Variants in NAA35 observed in about 807,000 individuals in gnomAD.
NAA35 encodes the protein MAK10 homolog, amino-acid N-acetyltransferase subunit.
Under a neutral mutation model 101.7 loss-of-function variants are expected in NAA35, and 18 were observed. The ratio of observed to expected loss-of-function variants is 0.18; its 90% confidence interval spans 0.12 to 0.26. The LOEUF is 0.26. Ranked by LOEUF, NAA35 falls within the 10% of genes least tolerant of loss-of-function variation. NAA35 has a pLI of 1.00. For synonymous variants in NAA35, 267 were observed against 273.1 expected (o/e 0.98, Z 0.22); for missense variants, 601 against 886.8 (o/e 0.68, Z 4.09).
chr9:85,995,334 T>A (rs916128539), intron 11 of NAA35, among the ~76,000 whole-genome samples: 13 of 150,872 alleles, frequency 8.6e-5, no homozygotes, highest in Non-Finnish European at 1.6e-4. Flanking sequence ...AAATAAAAAA[T>A]TATTTTTTAT....
intron 22 of NAA35, among the ~76,000 whole-genome samples, chr9:86,021,569 AG>A (rs751207896): frequency 3.9e-5 from 6 of 152,142 alleles, no homozygotes. Flanking sequence ...TAGTTCTATC[AG>A]TTACCTGGAG....
At position 85,988,728 on chromosome 9, in the gene NAA35, G is replaced by A. The variant is rs567076073; in HGVS notation, c.878-7671G>A. On this transcript the variant is annotated intron_variant, in intron 11 of 22. Coordinates refer to ENST00000361671, the MANE Select transcript of NAA35 (RefSeq NM_024635.4). ...GGAGAATCGCTTGAACCTGGGAGGC[G>A]GAGGTTGCAGTGAGCCGAGATCACG... Among the ~76,000 whole-genome samples, 12 of 151,884 alleles carry A rather than the reference G, an allele frequency of 7.9e-5. No homozygotes were observed. In the South Asian group the frequency reaches 1.2e-3, roughly 16 times the overall value.
intron 17 of NAA35, among the ~76,000 whole-genome samples, chr9:86,014,702 C>T (rs948808795): frequency 2.6e-5 from 4 of 152,132 alleles, no homozygotes; most frequent in Non-Finnish European, 5.9e-5. Flanking sequence ...TAATTCTCTT[C>T]CATGCTGTTG....
intron 6 of NAA35, among the ~76,000 whole-genome samples, chr9:85,969,021 A>AT (rs1829882742): frequency 2.0e-5 from 3 of 151,994 alleles, no homozygotes; most frequent in Non-Finnish European, 2.9e-5. Context: ...AGTTGTATAT[A>AT]TTTTTTTGAA....
intron 20 of NAA35, 147 bp downstream of exon 20, chr9:86,018,542 A>G (rs1489149576): frequency 1.5e-6 from 2 of 1,320,072 alleles, no homozygotes; most frequent in Non-Finnish European, 1.0e-6. Context: ...TGAGAATTAT[A>G]TATTACCTAG....
intron 6 of NAA35, among the ~76,000 whole-genome samples, chr9:85,971,151 C>T (rs1829982196): frequency 6.6e-6 from 1 of 152,256 alleles, no homozygotes; most frequent in Non-Finnish European, 1.5e-5. Flanking sequence ...TCCCATTTCC[C>T]AGCTACTTGC....
At chr9:86,021,871 CATTA>C (rs753989797) in intron 22 of NAA35, 26 bp from the exon 23 acceptor site, 13 of 1,535,106 alleles carry the variant, frequency 8.5e-6, no homozygotes, top group South Asian at 2.3e-5. Flanking sequence ...TTTGTAGATA[CATTA>C]ATTGAGTTTC....
chr9:86,008,816 T>C (rs1831764126), intron 14 of NAA35, among the ~76,000 whole-genome samples: 1 of 149,948 alleles, frequency 6.7e-6, no homozygotes, highest in South Asian at 2.1e-4. Flanking sequence ...GATGAGTTTC[T>C]CTTTATTTTA....
chr9:85,987,937 A>G (rs1225169326), intron 11 of NAA35, among the ~76,000 whole-genome samples: 1 of 152,240 alleles, frequency 6.6e-6, no homozygotes, highest in Non-Finnish European at 1.5e-5. Flanking sequence ...GTGTTAAACT[A>G]TGTGAATAAT....
At position 86,022,898 on chromosome 9, in the gene NAA35, C is replaced by T; in HGVS notation, c.*938C>T. ...GGGCCTTCCTTTTTGTCCTCTGTAG[C>T]AGGCAATACTCTTAGCAAAATGAGT... On this transcript the variant is annotated 3_prime_UTR_variant, in exon 23 of 23. Transcript: ENST00000361671. 6.6e-6 allele frequency among the ~76,000 whole-genome samples: 1 copy of T among 152,098 alleles called. No homozygotes were observed. Among genetic ancestry groups the T allele is most frequent in the East Asian group, 1.9e-4 (1 of 5,180 alleles).
At chr9:85,979,909 C>T (rs1427944759) in intron 11 of NAA35, among the ~76,000 whole-genome samples, 2 of 152,282 alleles carry the variant, frequency 1.3e-5, no homozygotes, top group East Asian at 1.9e-4. Flanking sequence ...TGCCAGATCC[C>T]ACAGGTTGAC....
At position 86,013,154 on chromosome 9, in the gene NAA35, A is replaced by G; in HGVS notation, c.1389+10A>G. 1 of 1,546,936 alleles carries G rather than the reference A, an allele frequency of 6.5e-7. No homozygotes were observed. Among genetic ancestry groups the G allele is most frequent in the Non-Finnish European group, 8.9e-7 (1 of 1,127,976 alleles). Reference sequence around the variant, plus strand: ...CACCTTGCAGGATGAGGTAAGAGCCAGGTTCCCCTCTCTTCTAAAATTAAA... The same window carrying G: ...CACCTTGCAGGATGAGGTAAGAGCCGGGTTCCCCTCTCTTCTAAAATTAAA... On this transcript the variant is annotated intron_variant, in intron 16 of 22. Transcript: ENST00000361671.
chr9:85,950,104 A>G (rs949029246), intron 2 of NAA35, among the ~76,000 whole-genome samples: 35 of 152,270 alleles, frequency 2.3e-4, no homozygotes, highest in Middle Eastern at 3.4e-3. Flanking sequence ...ATAAGGCCCA[A>G]TTTACTCAGT....
At chr9:85,984,144 A>C (rs914763444) in intron 11 of NAA35, among the ~76,000 whole-genome samples, 2 of 152,074 alleles carry the variant, frequency 1.3e-5, no homozygotes, top group African/African-American at 4.8e-5. Context: ...CCTGTACAAC[A>C]TAGCAAGACC....
intron 6 of NAA35, among the ~76,000 whole-genome samples, chr9:85,966,978 A>G (rs1035870769): frequency 6.6e-6 from 1 of 152,144 alleles, no homozygotes; most frequent in Non-Finnish European, 1.5e-5. Context: ...GTAGTGGCAC[A>G]TGCCTGTAGT....
intron 3 of NAA35, 136 bp downstream of exon 3, chr9:85,956,529 ATT>A: frequency 2.2e-6 from 1 of 462,094 alleles, no homozygotes; most frequent in Non-Finnish European, 3.6e-6. Context: ...TTATAAATAT[ATT>A]TTTAACTGTG....
Position 85,975,191 on chromosome 9 carries a change from G to A in NAA35, c.627+34G>A, listed in dbSNP as rs773030531. Reference sequence around the variant, plus strand: ...GTTTTCTGTTTGGTGTGGGGTTTTGGTACACTTCTAAATGTCAGTTTAACT... The same window carrying A: ...GTTTTCTGTTTGGTGTGGGGTTTTGATACACTTCTAAATGTCAGTTTAACT... On this transcript the variant is annotated intron_variant, in intron 8 of 22. Transcript: ENST00000361671. The A allele has an allele frequency of 1.9e-6, 3 of 1,602,044 alleles. No homozygotes were observed. In the African/African-American group the frequency reaches 4.0e-5, roughly 22 times the overall value.
In NAA35 at chr9:85,994,725, A is replaced by G. The variant is rs1240847430; in HGVS notation, c.878-1674A>G. ...TAAAACCAAAGTACTTGTTACCATA[A>G]ATCTTTTATCCGGGGGGAAGGGGAA... On this transcript the variant is annotated intron_variant, in intron 11 of 22. Transcript: ENST00000361671. Among the ~76,000 whole-genome samples, 4 of 152,272 alleles carry G rather than the reference A, an allele frequency of 2.6e-5. No individual in the cohort carries two copies. In the East Asian group the frequency reaches 7.7e-4, roughly 29 times the overall value.
intron 11 of NAA35, among the ~76,000 whole-genome samples, chr9:85,981,238 A>G (rs1236926522): frequency 6.6e-6 from 1 of 152,172 alleles, no homozygotes; most frequent in Non-Finnish European, 1.5e-5. Context: ...ATGCATAGCA[A>G]CGTAGTAGTA....
Sources: allele counts gnomAD v4.1 joint callset (sites outside exome capture counted in the v4.1 genomes callset), GRCh38; gene constraint gnomAD v4.1.1; transcripts MANE v1.5; gene names NCBI Gene and HGNC (gene_info 2026-07-23, HGNC 2026-07-21).